Variants in ITGB1BP1 observed in about 807,000 individuals in gnomAD.
ITGB1BP1 encodes the protein integrin subunit beta 1 binding protein 1.
ITGB1BP1 carries 20 observed loss-of-function variants against 28.0 expected under a neutral mutation model. The observed-to-expected ratio is 0.71, with a 90% CI of 0.50 to 1.04. The LOEUF is 1.04. ITGB1BP1 is among the 50% of genes least tolerant of loss of function. ITGB1BP1 has a pLI of 0.00. For synonymous variants in ITGB1BP1, 103 were observed against 89.5 expected (o/e 1.15, Z -0.85); for missense variants, 228 against 242.5 (o/e 0.94, Z 0.40).
In ITGB1BP1 at chr2:9,418,765, G is replaced by A. The variant is rs115138122; in HGVS notation, c.-35-33C>T. 695 of 1,455,662 alleles carry A rather than the reference G, an allele frequency of 4.8e-4. 2 individuals are homozygous for A. In the African/African-American group the frequency reaches 5.8e-3, roughly 12 times the overall value. The allele number at this position is 1,455,662 out of a possible 1,614,324, so 90.2% of individuals were successfully genotyped here. A position where few individuals can be genotyped will look rare whatever the true frequency, so the allele number is the denominator to read the frequency against. ...AACAAATATTGGTAACAGTTACATC[G>A]GGAAAAGCAACTTTTTTTTTTTTTT... is the stretch of plus-strand genomic sequence containing the variant. On this transcript the variant is annotated intron_variant, in intron 1 of 6. Transcript: ENST00000355346.
intron 2 of ITGB1BP1, 139 bp from the exon 3 acceptor site, chr2:9,414,395 G>C: frequency 1.7e-6 from 1 of 582,346 alleles, no homozygotes; most frequent in South Asian, 2.5e-5. Flanking sequence ...CATATCGACT[G>C]TGCAGATTTT....
At chr2:9,420,200 A>T (rs1679635125) in intron 1 of ITGB1BP1, 1 of 206,686 alleles carries the variant, frequency 4.8e-6, no homozygotes, top group Admixed American at 6.5e-5. Flanking sequence ...CTCTAAGTCC[A>T]CTTACTAGGG....
chr2:9,417,364 C>T (rs1399151615), intron 2 of ITGB1BP1, among the ~76,000 whole-genome samples: 1 of 151,848 alleles, frequency 6.6e-6, no homozygotes, highest in Non-Finnish European at 1.5e-5. Context: ...CAAATGCCAC[C>T]AAGAAAACAA....
At chr2:9,417,416 C>CCTTTT (rs759095853) in intron 2 of ITGB1BP1, among the ~76,000 whole-genome samples, 1 of 151,666 alleles carries the variant, frequency 6.6e-6, no homozygotes, top group Non-Finnish European at 1.5e-5. Flanking sequence ...ATAAATAAGA[C>CCTTTT]CTTTTCTTTT....
At chr2:9,416,897 A>C (rs1176177224) in intron 2 of ITGB1BP1, among the ~76,000 whole-genome samples, 1 of 152,090 alleles carries the variant, frequency 6.6e-6, no homozygotes, top group Non-Finnish European at 1.5e-5. Context: ...TAAGGGTTTA[A>C]GCTTCGATAA....
At chr2:9,422,401 C>G in intron 1 of ITGB1BP1, 1 of 985,554 alleles carries the variant, frequency 1.0e-6, no homozygotes, top group Non-Finnish European at 1.2e-6. Flanking sequence ...TCCTGGTTCT[C>G]AGCGCGATGC....
At chr2:9,410,006 A>G (rs543930655) in intron 4 of ITGB1BP1, among the ~76,000 whole-genome samples, 1 of 151,886 alleles carries the variant, frequency 6.6e-6, no homozygotes, top group South Asian at 2.1e-4. Flanking sequence ...CACCACACCC[A>G]ACTAATTTTT....
At chr2:9,416,331 G>A (rs1448101382) in intron 2 of ITGB1BP1, among the ~76,000 whole-genome samples, 1 of 152,154 alleles carries the variant, frequency 6.6e-6, no homozygotes, top group African/African-American at 2.4e-5. Context: ...TCTAGACATT[G>A]CCGTGAAGGT....
At chr2:9,409,841 CTTT>C (rs1036594187) in intron 4 of ITGB1BP1, among the ~76,000 whole-genome samples, 4 of 123,156 alleles carry the variant, frequency 3.2e-5, no homozygotes, top group Non-Finnish European at 3.4e-5. Flanking sequence ...ACCGTGAGTT[CTTT>C]TTTTTTTTTT....
Position 9,403,482 on chromosome 2 carries a change from A to G in ITGB1BP1, c.*3352T>C, listed in dbSNP as rs930342564. 2.6e-5 allele frequency: 16 copies of G among 607,162 alleles called. No individual in the cohort carries two copies. Among genetic ancestry groups the G allele is most frequent in the Admixed American group, 2.4e-4 (7 of 29,712 alleles). 37.6% of individuals were successfully genotyped at this position (607,162 alleles called of 1,614,324 possible). ...TTAAAAACTCAGAGGCAATTTTTAC[A>G]TATCAGTAATTGTTTTTATAATTTG... On this transcript the variant is annotated 3_prime_UTR_variant, in exon 7 of 7. Coordinates refer to ENST00000355346, the MANE Select transcript of ITGB1BP1 (RefSeq NM_004763.5).
chr2:9,407,268 A>G (rs1352440789), intron 6 of ITGB1BP1, 181 bp downstream of exon 6: 4 of 667,418 alleles, frequency 6.0e-6, no homozygotes, highest in Non-Finnish European at 1.0e-5. Context: ...GCCCTAACAA[A>G]TATTTCACAA....
intron 1 of ITGB1BP1, chr2:9,422,758 C>T (rs988672701): frequency 7.1e-5 from 70 of 985,526 alleles, no homozygotes; most frequent in Admixed American, 1.8e-4. Context: ...GTGCCATGCA[C>T]GGTGCTAGGT....
chr2:9,407,276 C>T, intron 6 of ITGB1BP1, 173 bp downstream of exon 6: 1 of 693,016 alleles, frequency 1.4e-6, no homozygotes, highest in Non-Finnish European at 2.4e-6. Flanking sequence ...AAATATTTCA[C>T]AAACCTGCAC....
chr2:9,419,935 A>G, intron 1 of ITGB1BP1: 1 of 414,670 alleles, frequency 2.4e-6, no homozygotes, highest in Non-Finnish European at 3.2e-6. Context: ...AGATAACCTG[A>G]TCAATTTTTT....
At position 9,423,451 on chromosome 2, in the gene ITGB1BP1, G is replaced by A; in HGVS notation, c.-114C>T. The A allele has an allele frequency of 8.6e-7, 1 of 1,163,694 alleles. No individual in the cohort carries two copies. The highest frequency in any genetic ancestry group is 1.8e-5 in the South Asian group (1 of 54,302). 72.1% of individuals were successfully genotyped at this position (1,163,694 alleles called of 1,614,324 possible). A position where few individuals can be genotyped will look rare whatever the true frequency, so the allele number is the denominator to read the frequency against. The stretch of plus-strand genomic sequence containing the variant: ...TGCCGCGGCCTTTGGCGCCCAGGCA[G>A]CTACTCCCGTTCCCGCTCCAGCGCC... On this transcript the variant is annotated 5_prime_UTR_variant, in exon 1 of 7. Transcript: ENST00000355346.
chr2:9,413,552 A>C (rs1471472970), intron 3 of ITGB1BP1, among the ~76,000 whole-genome samples: 1 of 151,486 alleles, frequency 6.6e-6, no homozygotes, highest in East Asian at 1.9e-4. Context: ...CTAGTCTCAA[A>C]CTCCTGACCT....
chr2:9,406,899 C>T lies in ITGB1BP1; in HGVS notation c.538G>A (p.Ala180Thr), dbSNP rs1308850391. The T allele has an allele frequency of 3.7e-6, 6 of 1,609,954 alleles. No individual in the cohort carries two copies. Among genetic ancestry groups the T allele is most frequent in the Non-Finnish European group, 5.1e-6 (6 of 1,176,188 alleles). ...GATAAAACCTTGCAAATGGCTTGTG[C>T]TTGTTCCTACATTACATGAAAGATA... ...WVYQCNSLEQAQAICKVLSTA... is the reference protein window; with the variant it reads ...WVYQCNSLEQTQAICKVLSTA... The change falls in exon 7 of 7, where the codon GCA becomes ACA. Residue 180 changes from alanine (A) to threonine (T), a missense_variant. Physicochemically the swap from Ala to Thr is moderately conservative, Grantham distance 58. Coordinates refer to ENST00000355346, the MANE Select transcript of ITGB1BP1 (RefSeq NM_004763.5).
At position 9,405,240 on chromosome 2, in the gene ITGB1BP1, C is replaced by G. The variant is rs143466595; in HGVS notation, c.*1594G>C. On this transcript the variant is annotated 3_prime_UTR_variant, in exon 7 of 7. Coordinates refer to ENST00000355346, the MANE Select transcript of ITGB1BP1 (RefSeq NM_004763.5). ...AGGAGAAATTATATTAACGACCCTG[C>G]TAATATCCTTTCTTAGTTATTTGCT... The G allele has an allele frequency of 3.9e-5, 6 of 152,324 alleles. No homozygotes were observed. The highest frequency in any genetic ancestry group is 3.9e-4 in the Admixed American group (6 of 15,304). The allele number at this position is 152,324 out of a possible 1,614,324, so 9.4% of individuals were successfully genotyped here.
intron 6 of ITGB1BP1, 162 bp from the exon 7 acceptor site, chr2:9,407,067 T>C (rs1387665760): frequency 3.1e-6 from 2 of 635,298 alleles, no homozygotes; most frequent in Non-Finnish European, 5.7e-6. Context: ...TGAGCTTCCC[T>C]GCACGTGGGC....
Sources: gnomAD v4.1 joint callset for allele counts (sites outside exome capture counted in the v4.1 genomes callset) on GRCh38, gnomAD v4.1.1 for gene constraint, MANE v1.5 for transcripts, NCBI Gene and HGNC (gene_info 2026-07-23, HGNC 2026-07-21) for gene names.